Variants in CFAP54 observed in about 807,000 individuals in gnomAD.
The protein encoded by CFAP54 is cilia- and flagella-associated protein 54.
A neutral mutation model predicts 370.4 loss-of-function variants in CFAP54; 290 were observed. The ratio of observed to expected loss-of-function variants is 0.78; its 90% confidence interval spans 0.71 to 0.86. The LOEUF (loss-of-function observed/expected upper bound fraction) is 0.86. Ranked by LOEUF, CFAP54 falls within the 40% of genes least tolerant of loss-of-function variation. CFAP54 has a pLI of 0.00. For synonymous variants in CFAP54, 1,206 were observed against 1,236.5 expected (o/e 0.98, Z 0.52); for missense variants, 3,399 against 3,528.7 (o/e 0.96, Z 0.93).
In CFAP54 at chr12:96,535,569, C is replaced by T; in HGVS notation, c.1760C>T (p.Thr587Ile). The T allele has an allele frequency of 6.5e-7, 1 of 1,535,960 alleles. No homozygotes were observed. Among genetic ancestry groups the T allele is most frequent in the African/African-American group, 1.4e-5 (1 of 73,120 alleles). The change falls in exon 12 of 68, where the codon ACC (threonine) becomes ATC (isoleucine). Residue 587 changes from threonine to isoleucine, a missense_variant. Around this residue, in one of 3 missense-constraint regions of CFAP54, gnomAD observed 2,796 missense variants for 2,869.7 expected, o/e 0.97. Coordinates refer to ENST00000524981, the MANE Select transcript of CFAP54 (RefSeq NM_001306084.2). ...GAGGATATTTTCCATTTGGCAGCAACCTTGTATGTCTGTGTCTGCACTGCT... is the reference window on the plus strand; with the variant it reads ...GAGGATATTTTCCATTTGGCAGCAATCTTGTATGTCTGTGTCTGCACTGCT... The part of the protein sequence containing the change: ...YSEDIFHLAA[T>I]LYVCVCTAPQ...
In CFAP54 at chr12:96,521,961, C is replaced by G. The variant is rs944200199; in HGVS notation, c.1047C>G (p.Ala349=). Residue 349 remains alanine, a synonymous_variant, in exon 7 of 68, where the codon GCC becomes GCG. Transcript: ENST00000524981. ...AATCGCGAAGATATTTTCGAGAGGC[C>G]ACAATGAAGGTATAAAAATTTCATG... ...QEESRRYFRE[A]TMKMAVMIFK... 13 of 1,533,164 alleles carry G rather than the reference C, an allele frequency of 8.5e-6. No homozygotes were observed. Among genetic ancestry groups the G allele is most frequent in the Non-Finnish European group, 1.1e-5 (13 of 1,144,674 alleles). 95.0% of individuals were successfully genotyped at this position (1,533,164 alleles called of 1,614,324 possible). A position where few individuals can be genotyped will look rare whatever the true frequency, so the allele number is the denominator to read the frequency against.
At chr12:96,506,282 T>G (rs1440908987) in intron 3 of CFAP54, among the ~76,000 whole-genome samples, 1 of 146,992 alleles carries the variant, frequency 6.8e-6, no homozygotes, top group Admixed American at 7.0e-5. Context: ...GAGCTTGCAG[T>G]GAGCCGAGGT....
Position 96,811,758 on chromosome 12 carries a change from AT to A in CFAP54, c.8876del (p.Leu2959Ter). ...TAGGTTTTATTGTTGTATGCATATA[AT>A]TTGAAGCCTCTGAAGATTTCAGATG... ...EPMVLLLYAY[N>X]LKPLKISDVR... On this transcript the variant is annotated frameshift_variant, in exon 64 of 68. Coordinates refer to ENST00000524981, the MANE Select transcript of CFAP54 (RefSeq NM_001306084.2). LOFTEE classifies it high-confidence loss of function. 6.6e-7 allele frequency: 1 copy of A among 1,512,238 alleles called. No homozygotes were observed. Among genetic ancestry groups the A allele is most frequent in the Non-Finnish European group, 8.8e-7 (1 of 1,135,590 alleles). 93.7% of individuals were successfully genotyped at this position (1,512,238 alleles called of 1,614,324 possible).
intron 50 of CFAP54, among the ~76,000 whole-genome samples, chr12:96,734,574 C>T (rs577949518): frequency 6.6e-6 from 1 of 152,194 alleles, no homozygotes; most frequent in East Asian, 1.9e-4. Flanking sequence ...ATCATTACTG[C>T]TTTATAGATA....
rs1170474597 is a variant in CFAP54 at position 96,622,234 on chromosome 12, C to T, written c.3771+513C>T. On this transcript the variant is annotated intron_variant, in intron 27 of 67. Transcript: ENST00000524981. The stretch of plus-strand genomic sequence containing the variant: ...ATCTGCCTTCCAAGCATGAGTCTTA[C>T]AAGAACTTATGCTTATTGCCTTTCC... Among the ~76,000 whole-genome samples the T allele has an allele frequency of 2.0e-5, 3 of 152,048 alleles. 1 individual carries two copies. Among genetic ancestry groups the T allele is most frequent in the African/African-American group, 7.2e-5 (3 of 41,400 alleles).
At chr12:96,869,443 C>T (rs1960090659) in intron 67 of CFAP54, among the ~76,000 whole-genome samples, 2 of 152,158 alleles carry the variant, frequency 1.3e-5, no homozygotes, top group East Asian at 1.9e-4. Context: ...CAGGTAACCA[C>T]AAGTACATAG....
chr12:96,735,520 A>G (rs1322065998), intron 50 of CFAP54, among the ~76,000 whole-genome samples: 1 of 152,210 alleles, frequency 6.6e-6, no homozygotes, highest in Admixed American at 6.5e-5. Flanking sequence ...TTCTGTAAAA[A>G]TGACTGGTGG....
intron 20 of CFAP54, among the ~76,000 whole-genome samples, chr12:96,579,784 C>T (rs146239958): frequency 4.9e-4 from 75 of 151,800 alleles, no homozygotes; most frequent in African/African-American, 1.7e-3. Flanking sequence ...GACACCTCGG[C>T]GAAAGGATCA....
At position 96,535,518 on chromosome 12, in the gene CFAP54, C is replaced by T. The variant is rs777851716; in HGVS notation, c.1709C>T (p.Thr570Ile). The change falls in exon 12 of 68, where the codon ACT (threonine) becomes ATT (isoleucine). Residue 570 changes from threonine to isoleucine, a missense_variant. Physicochemically the swap from Thr to Ile is moderately conservative, Grantham distance 89. Around this residue, in one of 3 missense-constraint regions of CFAP54, gnomAD observed 2,796 missense variants for 2,869.7 expected, o/e 0.97. Coordinates refer to ENST00000524981, the MANE Select transcript of CFAP54 (RefSeq NM_001306084.2). ...IYLKKIAVHD[T>I]CLKTCGYSED... is the part of the protein sequence containing the mutation. ...TTCCTCTACTTTATGAACTTAGATA[C>T]TTGTTTGAAGACTTGTGGATATTCA... is the stretch of plus-strand genomic sequence containing the variant. 1.4e-5 allele frequency: 21 copies of T among 1,532,404 alleles called. No homozygotes were observed. Among genetic ancestry groups the T allele is most frequent in the African/African-American group, 1.4e-5 (1 of 72,890 alleles). The allele number at this position is 1,532,404 out of a possible 1,614,324, so 94.9% of individuals were successfully genotyped here.
At chr12:96,560,348 A>G (rs538286449) in intron 17 of CFAP54, among the ~76,000 whole-genome samples, 1 of 152,194 alleles carries the variant, frequency 6.6e-6, no homozygotes, top group East Asian at 1.9e-4. Context: ...TATTTTTTTT[A>G]GCTCTCACAT....
chr12:96,595,402 A>C (rs1470470553), intron 25 of CFAP54, among the ~76,000 whole-genome samples: 1 of 152,144 alleles, frequency 6.6e-6, no homozygotes, highest in Non-Finnish European at 1.5e-5. Context: ...TTACCACAGG[A>C]AAGTAATGAG....
rs998422289 is a variant in CFAP54 at position 96,830,317 on chromosome 12, A to C, written c.9171+1229A>C. On this transcript the variant is annotated intron_variant, in intron 66 of 67. Transcript: ENST00000524981. ...GCTGTACAATTTTATACTACCACCA[A>C]CAATGCATAGAGGTTCCAATTTCTC... is the stretch of plus-strand genomic sequence containing the variant. Among the ~76,000 whole-genome samples the C allele has an allele frequency of 2.6e-5, 4 of 152,166 alleles. No individual in the cohort carries two copies. In the East Asian group the frequency reaches 7.7e-4, roughly 29 times the overall value.
At chr12:96,541,529 GC>G (rs746358490) in intron 14 of CFAP54, among the ~76,000 whole-genome samples, 3 of 152,004 alleles carry the variant, frequency 2.0e-5, no homozygotes, top group Admixed American at 6.6e-5. Context: ...CAAGTGATCT[GC>G]CTGCCCTGGC....
At chr12:96,599,648 T>C (rs1257391122) in intron 26 of CFAP54, among the ~76,000 whole-genome samples, 1 of 152,196 alleles carries the variant, frequency 6.6e-6, no homozygotes, top group East Asian at 1.9e-4. Context: ...GTTGTATTTC[T>C]CCACACCTTC....
At chr12:96,661,322 G>A (rs572956008) in intron 38 of CFAP54, among the ~76,000 whole-genome samples, 1 of 152,292 alleles carries the variant, frequency 6.6e-6, no homozygotes, top group East Asian at 1.9e-4. Context: ...TTTAGGAGTT[G>A]TATGTCAAGA....
intron 65 of CFAP54, among the ~76,000 whole-genome samples, chr12:96,826,558 A>G (rs1393095230): frequency 9.5e-4 from 79 of 83,384 alleles, no homozygotes; most frequent in African/African-American, 3.3e-3. Context: ...TATATATAAT[A>G]TATAATATAT....
At chr12:96,756,721 C>G (rs1194091388) in intron 57 of CFAP54, among the ~76,000 whole-genome samples, 158 bp downstream of exon 57, 1 of 152,168 alleles carries the variant, frequency 6.6e-6, no homozygotes, top group African/African-American at 2.4e-5. Flanking sequence ...TTGTTCTGAC[C>G]CAAAGCCTCC....
At chr12:96,521,483 T>C (rs1433931271) in intron 6 of CFAP54, among the ~76,000 whole-genome samples, 1 of 150,862 alleles carries the variant, frequency 6.6e-6, no homozygotes, top group East Asian at 2.0e-4. Context: ...AGGTTAGGAT[T>C]TGAGAAGAGC....
intron 17 of CFAP54, among the ~76,000 whole-genome samples, chr12:96,558,908 A>G (rs186433944): frequency 3.7e-4 from 57 of 152,310 alleles, no homozygotes; most frequent in Admixed American, 1.2e-3. Context: ...GCTTCTGCCC[A>G]GCAAAGGATA....
Sources: gnomAD v4.1 joint callset for allele counts (sites outside exome capture counted in the v4.1 genomes callset) on GRCh38, gnomAD v4.1.1 for gene constraint, gnomAD v4.1.1 regional missense constraint, MANE v1.5 for transcripts, NCBI Gene and HGNC (gene_info 2026-07-23, HGNC 2026-07-21) for gene names.